PDE4B: variants seen among roughly 807,000 people sequenced by gnomAD.
PDE4B encodes the protein 3',5'-cyclic-AMP phosphodiesterase 4B.
PDE4B carries 20 observed loss-of-function variants against 82.2 expected under a neutral mutation model. That is an observed-to-expected ratio of 0.24 (90% CI 0.17 to 0.35). The LOEUF (loss-of-function observed/expected upper bound fraction) is 0.35, where lower values mean the gene tolerates loss of function less well. Ranked by LOEUF, PDE4B falls within the 10% of genes least tolerant of loss-of-function variation. The pLI is 1.00. For synonymous variants in PDE4B, 320 were observed against 318.9 expected, an observed-to-expected ratio of 1.00 and a Z score of -0.04; for missense variants, 655 against 907.2, an observed-to-expected ratio of 0.72 and a Z score of 3.57.
chr1:66,221,580 T>C lies in PDE4B; in HGVS notation c.282-25880T>C, dbSNP rs1347126315. Among the ~76,000 whole-genome samples, 4 of 152,158 alleles carry C rather than the reference T, an allele frequency of 2.6e-5. No homozygotes were observed. The East Asian group carries it at 7.7e-4, about 29-fold the overall frequency. On this transcript the variant is annotated intron_variant, in intron 3 of 16. Transcript: ENST00000341517. ...ATTAGGTAATTTAGGATTAAACATA[T>C]CAGGTAAATTCTCCCAAATCACATA...
rs118096729 is a variant in PDE4B at position 66,057,233 on chromosome 1, A to G, written c.281+138398A>G. Among the ~76,000 whole-genome samples the G allele has an allele frequency of 2.0e-4, 30 of 152,324 alleles. No homozygotes were observed. The East Asian group carries it at 5.2e-3, about 26-fold the overall frequency. On this transcript the variant is annotated intron_variant, in intron 3 of 16. Transcript: ENST00000341517. ...ATACACCAAGTGCTAAGTGCTGGAT[A>G]TACTGTAAATAATAATAGACATGTT...
chr1:66,342,192 A>G (rs1191933558), intron 8 of PDE4B, among the ~76,000 whole-genome samples: 2 of 152,214 alleles, frequency 1.3e-5, no homozygotes, highest in Non-Finnish European at 1.5e-5. Context: ...TCTTGGGATA[A>G]TATTTATTAA....
intron 3 of PDE4B, among the ~76,000 whole-genome samples, chr1:66,124,029 G>T (rs1373566497): frequency 6.6e-6 from 1 of 152,200 alleles, no homozygotes; most frequent in Non-Finnish European, 1.5e-5. Context: ...CAAATGCAAG[G>T]TATTGTTTTC....
At chr1:66,267,465 T>C (rs535405579) in intron 7 of PDE4B, 17 of 152,200 alleles carry the variant, frequency 1.1e-4, no homozygotes, top group Non-Finnish European at 2.4e-4. Context: ...ATTTGATTAT[T>C]TAGACTATGT....
At chr1:66,169,053 G>A (rs977135638) in intron 3 of PDE4B, among the ~76,000 whole-genome samples, 1 of 152,144 alleles carries the variant, frequency 6.6e-6, no homozygotes, top group Non-Finnish European at 1.5e-5. Flanking sequence ...CAGACAAAGG[G>A]GAGACCATTC....
At chr1:66,341,619 A>C (rs1290398212) in intron 8 of PDE4B, among the ~76,000 whole-genome samples, 1 of 152,186 alleles carries the variant, frequency 6.6e-6, no homozygotes. Context: ...ACTCATTCCA[A>C]TGTCAAAGTT....
At chr1:66,346,145 C>A (rs764238583) in intron 8 of PDE4B, among the ~76,000 whole-genome samples, 1 of 152,156 alleles carries the variant, frequency 6.6e-6, no homozygotes, top group Non-Finnish European at 1.5e-5. Context: ...TGGAGAATAG[C>A]AGCCTAATTA....
At chr1:65,998,419 G>A (rs1651673325) in intron 3 of PDE4B, among the ~76,000 whole-genome samples, 1 of 148,244 alleles carries the variant, frequency 6.7e-6, no homozygotes, top group African/African-American at 2.5e-5. Flanking sequence ...CATTCTCGGT[G>A]AGGAGCCACG....
In PDE4B at chr1:66,202,828, G is replaced by A. The variant is rs1047552804; in HGVS notation, c.282-44632G>A. Among the ~76,000 whole-genome samples, 934 of 152,008 alleles carry A rather than the reference G, an allele frequency of 6.1e-3. 11 individuals carry two copies. Among genetic ancestry groups the A allele is most frequent in the African/African-American group, 0.022 (891 of 41,410 alleles). On this transcript the variant is annotated intron_variant, in intron 3 of 16. Coordinates refer to ENST00000341517, the MANE Select transcript of PDE4B (RefSeq NM_002600.4). ...TTTGCCAGTCTGTGTCTTTTAACTG[G>A]AGCATTTAGCCCATTTACATTTAAA...
At chr1:66,269,496 G>A (rs1484570497) in intron 7 of PDE4B, among the ~76,000 whole-genome samples, 6 of 152,162 alleles carry the variant, frequency 3.9e-5, no homozygotes, top group Non-Finnish European at 7.4e-5. Flanking sequence ...GGTGCTCAAG[G>A]ATTGAAACAG....
intron 1 of PDE4B, among the ~76,000 whole-genome samples, chr1:65,885,371 A>C (rs1646761452): frequency 6.6e-6 from 1 of 152,198 alleles, no homozygotes. Context: ...GTATATACCC[A>C]AAGGATTATA....
At chr1:66,099,205 G>A (rs1035376626) in intron 3 of PDE4B, among the ~76,000 whole-genome samples, 2 of 152,012 alleles carry the variant, frequency 1.3e-5, no homozygotes, top group African/African-American at 4.8e-5. Flanking sequence ...ACTTATAAGT[G>A]AGAACATGCG....
chr1:65,853,320 A>T (rs555731906), intron 1 of PDE4B, among the ~76,000 whole-genome samples: 1 of 152,220 alleles, frequency 6.6e-6, no homozygotes, highest in African/African-American at 2.4e-5. Flanking sequence ...CTCTTTATTT[A>T]AAGAAGTTTG....
chr1:66,265,963 T>C, intron 6 of PDE4B, 75 bp from the exon 7 acceptor site: 1 of 1,051,210 alleles, frequency 9.5e-7, no homozygotes, highest in East Asian at 2.4e-5. Flanking sequence ...TCAGTAACCA[T>C]GAGGGTGGGG....
At chr1:66,175,707 T>G (rs1251813521) in intron 3 of PDE4B, among the ~76,000 whole-genome samples, 1 of 152,242 alleles carries the variant, frequency 6.6e-6, no homozygotes, top group African/African-American at 2.4e-5. Flanking sequence ...GGACAATGTA[T>G]GTAACATTTG....
intron 1 of PDE4B, among the ~76,000 whole-genome samples, chr1:65,833,654 G>T (rs1037181763): frequency 1.3e-5 from 2 of 152,086 alleles, no homozygotes; most frequent in Admixed American, 1.3e-4. Flanking sequence ...TCTTCCAATG[G>T]ATAACCTCTT....
At chr1:65,991,690 T>C (rs528259878) in intron 3 of PDE4B, among the ~76,000 whole-genome samples, 1 of 152,222 alleles carries the variant, frequency 6.6e-6, no homozygotes, top group South Asian at 2.1e-4. Context: ...TAGGTTACAG[T>C]GATCTGCTTT....
At chr1:65,832,858 G>T (rs997040604) in intron 1 of PDE4B, among the ~76,000 whole-genome samples, 2 of 152,186 alleles carry the variant, frequency 1.3e-5, no homozygotes, top group African/African-American at 4.8e-5. Flanking sequence ...AAGTTATTAG[G>T]TGGGTATAAA....
chr1:65,975,066 A>G (rs1650337757), intron 3 of PDE4B, among the ~76,000 whole-genome samples: 1 of 152,256 alleles, frequency 6.6e-6, no homozygotes, highest in Non-Finnish European at 1.5e-5. Flanking sequence ...AAGATGTGGG[A>G]AAGTGTTGAA....
Sources: gnomAD v4.1 joint callset for allele counts (sites outside exome capture counted in the v4.1 genomes callset) on GRCh38, gnomAD v4.1.1 for gene constraint, MANE v1.5 for transcripts, NCBI Gene and HGNC (gene_info 2026-07-23, HGNC 2026-07-21) for gene names.